Variants in COL6A3 observed in about 807,000 individuals in gnomAD.
The protein encoded by COL6A3 is collagen alpha-3(VI) chain.
Under a neutral mutation model 274.1 loss-of-function variants are expected in COL6A3, and 137 were observed. That is an observed-to-expected ratio of 0.50 (90% CI 0.44 to 0.58). The LOEUF is 0.58. Among genes scored for constraint, COL6A3 ranks in the 20% least tolerant of loss-of-function variants. COL6A3 has a pLI of 0.00. For synonymous variants in COL6A3, 1,650 were observed against 1,650.6 expected (o/e 1.00, Z 0.01); for missense variants, 3,950 against 4,124.9 (o/e 0.96, Z 1.16).
At chr2:237,331,326 T>C (rs1219856278) in intron 42 of COL6A3, among the ~76,000 whole-genome samples, 1 of 151,966 alleles carries the variant, frequency 6.6e-6, no homozygotes, top group Non-Finnish European at 1.5e-5. Flanking sequence ...ATAAAAACCA[T>C]TAAAAAATTT....
chr2:237,384,746 C>T (rs1020654865), intron 4 of COL6A3, among the ~76,000 whole-genome samples: 3 of 152,106 alleles, frequency 2.0e-5, no homozygotes, highest in African/African-American at 4.8e-5. Context: ...AAAATAGAAG[C>T]CCTCAGAGGA....
At position 237,378,955 on chromosome 2, in the gene COL6A3, G is replaced by C; in HGVS notation, c.2178C>G (p.Val726=). ...GLNTGSALSY[V]YANHFTEAGG... ...CAGCTTCCGTGAAGTGGTTGGCATA[G>C]ACATAGCTTAGGGCTGAGCCTGTGT... The change falls in exon 6 of 44, where the codon GTC becomes GTG. Residue 726 remains valine, a synonymous_variant. Transcript: ENST00000295550. The C allele has an allele frequency of 6.2e-7, 1 of 1,614,238 alleles. No homozygotes were observed. The highest frequency in any genetic ancestry group is 2.2e-5 in the East Asian group (1 of 44,880).
Position 237,413,645 on chromosome 2 carries a change from A to G in COL6A3, c.-31+308T>C, listed in dbSNP as rs1163978247. On this transcript the variant is annotated intron_variant, in intron 1 of 43. Coordinates refer to ENST00000295550, the MANE Select transcript of COL6A3 (RefSeq NM_004369.4). The surrounding 1 kb of genome is among the most constrained non-coding windows in gnomAD (Gnocchi z 4.0). ...GTTTTAGAAGGCGGCAGTAACTTAA[A>G]TAAATCATGGGCCGAAACACACTGC... Among the ~76,000 whole-genome samples, 2 of 152,194 alleles carry G rather than the reference A, an allele frequency of 1.3e-5. No individual in the cohort carries two copies. Among genetic ancestry groups the G allele is most frequent in the Non-Finnish European group, 2.9e-5 (2 of 68,038 alleles).
At chr2:237,355,244 C>T (rs930029376) in intron 23 of COL6A3, 14 of 356,266 alleles carry the variant, frequency 3.9e-5, no homozygotes, top group Middle Eastern at 7.3e-4. Flanking sequence ...TTTGGCTGCA[C>T]GATCCCAGCC....
intron 1 of COL6A3, among the ~76,000 whole-genome samples, chr2:237,398,646 T>TGGG (rs2078512566): frequency 1.3e-5 from 2 of 152,226 alleles, no homozygotes; most frequent in African/African-American, 2.4e-5. Context: ...AAGGGCCCCA[T>TGGG]GCTCAGTTTG....
chr2:237,325,420 C>A, intron 43 of COL6A3, 140 bp downstream of exon 43: 1 of 972,646 alleles, frequency 1.0e-6, no homozygotes, highest in Non-Finnish European at 1.6e-6. Context: ...TGTATTTGAA[C>A]GTCTTCCTTA....
At position 237,344,854 on chromosome 2, in the gene COL6A3, T is replaced by C. The variant is rs373913396; in HGVS notation, c.7175-11A>G. The C allele has an allele frequency of 2.6e-4, 412 of 1,613,312 alleles. No individual in the cohort carries two copies. The highest frequency in any genetic ancestry group is 3.4e-4 in the Non-Finnish European group (402 of 1,179,996). Reference sequence around the variant, plus strand: ...GGCACTCCAGGGGCCCTGTGGAAAGTAGAGGGTGGAGGGTTAAAGACAAAC... The same window carrying C: ...GGCACTCCAGGGGCCCTGTGGAAAGCAGAGGGTGGAGGGTTAAAGACAAAC... On this transcript the variant is annotated splice_polypyrimidine_tract_variant and intron_variant, in intron 35 of 43. Coordinates refer to ENST00000295550, the MANE Select transcript of COL6A3 (RefSeq NM_004369.4). The surrounding 1 kb of genome is among the most constrained non-coding windows in gnomAD (Gnocchi z 4.8).
chr2:237,363,803 A>G lies in COL6A3; in HGVS notation c.5918-405T>C, dbSNP rs561614274. 4.6e-5 allele frequency among the ~76,000 whole-genome samples: 7 copies of G among 152,306 alleles called. No homozygotes were observed. The South Asian group carries it at 1.5e-3, about 32-fold the overall frequency. ...TAATAAATAGAAAGTTCTTAGGATAAATTACACTTCTGTAATGGCATCCAC... is the reference window on the plus strand; with the variant it reads ...TAATAAATAGAAAGTTCTTAGGATAGATTACACTTCTGTAATGGCATCCAC... On this transcript the variant is annotated intron_variant, in intron 13 of 43. Transcript: ENST00000295550.
chr2:237,350,572 A>T (rs1205595814), intron 27 of COL6A3, among the ~76,000 whole-genome samples: 1 of 152,216 alleles, frequency 6.6e-6, no homozygotes, highest in Non-Finnish European at 1.5e-5. Context: ...TACAGAGAAC[A>T]TGCAGTCTTT....
intron 11 of COL6A3, among the ~76,000 whole-genome samples, 165 bp from the exon 12 acceptor site, chr2:237,366,200 C>T (rs914918553): frequency 6.6e-6 from 1 of 152,158 alleles, no homozygotes; most frequent in Non-Finnish European, 1.5e-5. Context: ...CTATCCACCC[C>T]TCTCACAGAG....
chr2:237,407,838 C>G lies in COL6A3; in HGVS notation c.-31+6115G>C, dbSNP rs1000294796. On this transcript the variant is annotated intron_variant, in intron 1 of 43. Transcript: ENST00000295550. The surrounding 1 kb of genome is among the most constrained non-coding windows in gnomAD (Gnocchi z 4.3). Reference sequence around the variant, plus strand: ...GCTAATTATAAACATCAGGCAGAGACTAGTTCCATTTCAACATTAAAGAAG... The same window carrying G: ...GCTAATTATAAACATCAGGCAGAGAGTAGTTCCATTTCAACATTAAAGAAG... Among the ~76,000 whole-genome samples, 8 of 152,186 alleles carry G rather than the reference C, an allele frequency of 5.3e-5. No individual in the cohort carries two copies. The highest frequency in any genetic ancestry group is 1.5e-5 in the Non-Finnish European group (1 of 68,038).
rs199707923 is a variant in COL6A3 at position 237,340,440 on chromosome 2, C to G, written c.8464+12G>C. The G allele has an allele frequency of 3.5e-5, 56 of 1,610,004 alleles. No homozygotes were observed. The highest frequency in any genetic ancestry group is 4.7e-5 in the Non-Finnish European group (56 of 1,179,668). On this transcript the variant is annotated intron_variant, in intron 38 of 43. Coordinates refer to ENST00000295550, the MANE Select transcript of COL6A3 (RefSeq NM_004369.4). ...CCAGGCCAGGGCACATGCTGTGCCA[C>G]GCAGGACTTACTGCTGACGAAGGAT...
Position 237,366,678 on chromosome 2 carries a change from G to A in COL6A3, c.5500+9C>T, listed in dbSNP as rs550919450. On this transcript the variant is annotated intron_variant, in intron 11 of 43. Transcript: ENST00000295550. ...AAAGGATGGAAAATATGCACATAAT[G>A]GGAGTTACCTTTGGCAGCATCAGTT... 6.2e-7 allele frequency: 1 copy of A among 1,614,214 alleles called. No homozygotes were observed. The highest frequency in any genetic ancestry group is 1.7e-5 in the Admixed American group (1 of 60,032).
At chr2:237,395,297 T>C in intron 2 of COL6A3, 93 bp from the exon 3 acceptor site, 2 of 1,318,002 alleles carry the variant, frequency 1.5e-6, no homozygotes, top group South Asian at 1.3e-5. Flanking sequence ...TGGTTTACAC[T>C]ATACTGCTAC....
intron 14 of COL6A3, among the ~76,000 whole-genome samples, chr2:237,362,262 C>T (rs888620778): frequency 6.6e-6 from 1 of 152,160 alleles, no homozygotes; most frequent in African/African-American, 2.4e-5. Flanking sequence ...TTCCTTGGAA[C>T]CAGGGTGAGA....
intron 32 of COL6A3, among the ~76,000 whole-genome samples, chr2:237,345,520 G>C (rs1301366896): frequency 6.6e-6 from 1 of 152,130 alleles, no homozygotes; most frequent in Non-Finnish European, 1.5e-5. Context: ...TGCTTCTCTT[G>C]AGAAAAGAGC....
Position 237,352,579 on chromosome 2 carries a change from T to C in COL6A3, c.6696A>G (p.Pro2232=). The change falls in exon 26 of 44, where the codon CCA becomes CCG. Residue 2232 remains proline (P), a synonymous_variant. Transcript: ENST00000295550. ...GEQGTRGAQG[P]AGPAGPPGLI... The stretch of plus-strand genomic sequence containing the variant: ...GCCCTGGAGGACCAGCAGGACCAGC[T>C]GGGCCCTGAGGAAGGAAAAGACCAT... The C allele has an allele frequency of 6.2e-7, 1 of 1,613,666 alleles. No individual in the cohort carries two copies. Among genetic ancestry groups the C allele is most frequent in the Admixed American group, 1.7e-5 (1 of 59,990 alleles).
intron 1 of COL6A3, among the ~76,000 whole-genome samples, chr2:237,398,630 G>T (rs139119248): frequency 6.6e-6 from 1 of 152,292 alleles, no homozygotes; most frequent in East Asian, 1.9e-4. Flanking sequence ...AGGACCCTGT[G>T]CTCTGAAGGG....
At chr2:237,376,103 C>T (rs1329635775) in intron 7 of COL6A3, among the ~76,000 whole-genome samples, 1 of 152,102 alleles carries the variant, frequency 6.6e-6, no homozygotes, top group Non-Finnish European at 1.5e-5. Context: ...TGGGAGGAAA[C>T]GGAACCCAGA....
Sources: gnomAD v4.1 joint callset for allele counts (sites outside exome capture counted in the v4.1 genomes callset) on GRCh38, gnomAD v4.1.1 for gene constraint, Gnocchi (gnomAD v3.1) non-coding constraint, MANE v1.5 for transcripts, NCBI Gene and HGNC (gene_info 2026-07-23, HGNC 2026-07-21) for gene names.